Variants in SCLT1 observed in about 807,000 individuals in gnomAD.
SCLT1 encodes sodium channel-associated protein 1.
Under a neutral mutation model 112.8 loss-of-function variants are expected in SCLT1, and 78 were observed. The observed-to-expected ratio is 0.69, with a 90% confidence interval of 0.58 to 0.83. The LOEUF (loss-of-function observed/expected upper bound fraction) is 0.83, where lower values mean the gene tolerates loss of function less well. Ranked by LOEUF, SCLT1 falls within the 40% of genes least tolerant of loss-of-function variation. The probability of loss-of-function intolerance (pLI) is 0.00; values close to 1 mark genes in which losing one functional copy is unlikely to be tolerated. For missense variants in SCLT1, 747 were observed against 770.4 expected (o/e 0.97, Z 0.36); for synonymous variants, 257 against 254.7 (o/e 1.01, Z -0.09).
chr4:129,029,535 AG>A (rs1746493590), intron 5 of SCLT1, among the ~76,000 whole-genome samples: 1 of 125,354 alleles, frequency 8.0e-6, no homozygotes, highest in Non-Finnish European at 1.7e-5. Context: ...TGTGGGGTGG[AG>A]GGAGGGGGGA....
At chr4:129,090,048 C>T (rs761139436) in intron 1 of SCLT1, among the ~76,000 whole-genome samples, 13 of 151,882 alleles carry the variant, frequency 8.6e-5, no homozygotes, top group East Asian at 1.9e-4. Flanking sequence ...ATACTAGCAA[C>T]GAAAAATCAG....
chr4:128,950,036 T>C (rs1738583994), intron 14 of SCLT1, among the ~76,000 whole-genome samples: 1 of 152,152 alleles, frequency 6.6e-6, no homozygotes, highest in South Asian at 2.1e-4. Context: ...TCTTTAAACC[T>C]GTTACAAATC....
intron 9 of SCLT1, among the ~76,000 whole-genome samples, chr4:128,989,730 T>C (rs1742398811): frequency 1.3e-5 from 2 of 150,690 alleles, no homozygotes; most frequent in South Asian, 2.1e-4. Context: ...CAAAAAAAAA[T>C]ACAGAAGACT....
intron 4 of SCLT1, among the ~76,000 whole-genome samples, chr4:129,040,761 T>C (rs1019400307): frequency 6.6e-6 from 1 of 152,192 alleles, no homozygotes; most frequent in African/African-American, 2.4e-5. Context: ...AGATATAGTA[T>C]TTTTTGACTA....
chr4:129,025,655 A>C (rs571839674), intron 5 of SCLT1, among the ~76,000 whole-genome samples: 2,238 of 152,262 alleles, frequency 0.015, 48 homozygotes, highest in African/African-American at 0.045. Flanking sequence ...CGAGCAAAAT[A>C]ACCAGCTAAC....
chr4:128,996,352 C>T (rs1743017378), intron 8 of SCLT1, among the ~76,000 whole-genome samples: 1 of 152,114 alleles, frequency 6.6e-6, no homozygotes, highest in African/African-American at 2.4e-5. Context: ...TATTGAAAGA[C>T]AGTTTATTTA....
chr4:129,047,953 T>C (rs1490192852), intron 2 of SCLT1, among the ~76,000 whole-genome samples: 1 of 152,170 alleles, frequency 6.6e-6, no homozygotes, highest in Admixed American at 6.6e-5. Context: ...ATTCTGTTGA[T>C]TGTTTCCTGA....
intron 18 of SCLT1, among the ~76,000 whole-genome samples, chr4:128,918,817 A>T (rs1735665029): frequency 6.6e-6 from 1 of 152,324 alleles, no homozygotes; most frequent in South Asian, 2.1e-4. Context: ...CATAATGATC[A>T]AAAAAGACAA....
chr4:128,944,602 C>T (rs1737983859), intron 16 of SCLT1: 2 of 152,130 alleles, frequency 1.3e-5, no homozygotes, highest in African/African-American at 4.8e-5. Flanking sequence ...AGATGCAAGA[C>T]TACAGCACTC....
At chr4:129,020,194 C>A (rs185206463) in intron 5 of SCLT1, among the ~76,000 whole-genome samples, 15 of 152,250 alleles carry the variant, frequency 9.9e-5, no homozygotes, top group Admixed American at 3.9e-4. Context: ...GAATGAAATT[C>A]TACTTCTTCT....
At chr4:128,936,927 G>T in intron 17 of SCLT1, 76 bp from the exon 18 acceptor site, 1 of 585,442 alleles carries the variant, frequency 1.7e-6, no homozygotes. Flanking sequence ...ATATACAAAA[G>T]GAATCATTCA....
chr4:128,924,699 T>C (rs1283301549), intron 18 of SCLT1, among the ~76,000 whole-genome samples: 1 of 152,204 alleles, frequency 6.6e-6, no homozygotes, highest in Admixed American at 6.5e-5. Flanking sequence ...TTTTTATGCT[T>C]AGGTCTATGA....
chr4:129,090,234 T>A (rs1049604918), intron 1 of SCLT1, among the ~76,000 whole-genome samples: 2 of 152,174 alleles, frequency 1.3e-5, no homozygotes, highest in African/African-American at 4.8e-5. Context: ...TTTTAAAACT[T>A]ACTATAAAGC....
chr4:129,048,433 A>G (rs1748408383), intron 2 of SCLT1, among the ~76,000 whole-genome samples: 2 of 150,730 alleles, frequency 1.3e-5, no homozygotes, highest in Non-Finnish European at 3.0e-5. Flanking sequence ...CATATGTAGA[A>G]AGCTGAAACT....
intron 5 of SCLT1, among the ~76,000 whole-genome samples, chr4:129,027,227 A>C (rs1746193238): frequency 6.6e-6 from 1 of 152,198 alleles, no homozygotes; most frequent in African/African-American, 2.4e-5. Context: ...CTGATACCAA[A>C]GCCAGGCAGA....
intron 18 of SCLT1, among the ~76,000 whole-genome samples, chr4:128,901,252 C>G (rs1368862302): frequency 6.6e-6 from 1 of 152,122 alleles, no homozygotes; most frequent in Non-Finnish European, 1.5e-5. Context: ...TTCACAATAG[C>G]AAAGACCTGG....
chr4:128,961,567 A>G lies in SCLT1; in HGVS notation c.870-1790T>C, dbSNP rs1401056201. 1.3e-5 allele frequency among the ~76,000 whole-genome samples: 2 copies of G among 152,024 alleles called. 1 individual carries two copies. Among genetic ancestry groups the G allele is most frequent in the Non-Finnish European group, 2.9e-5 (2 of 68,004 alleles). On this transcript the variant is annotated intron_variant, in intron 11 of 20. Coordinates refer to ENST00000281142, the MANE Select transcript of SCLT1 (RefSeq NM_144643.4). ...AATAGTAGAAGCAGCAGCCTTCTCT[A>G]TTCTCCCCACTAACCACATCAAAAC...
chr4:129,085,982 C>A (rs763989317), intron 1 of SCLT1, among the ~76,000 whole-genome samples: 3 of 152,122 alleles, frequency 2.0e-5, no homozygotes, highest in Admixed American at 2.0e-4. Flanking sequence ...TATAACAAAC[C>A]TGCACATGTA....
intron 18 of SCLT1, among the ~76,000 whole-genome samples, chr4:128,906,477 C>T (rs527780709): frequency 6.6e-6 from 1 of 152,064 alleles, no homozygotes; most frequent in Non-Finnish European, 1.5e-5. Context: ...GGATTACAGG[C>T]GTGAGTCACT....
Sources: gnomAD v4.1 joint callset for allele counts (sites outside exome capture counted in the v4.1 genomes callset) on GRCh38, gnomAD v4.1.1 for gene constraint, MANE v1.5 for transcripts, NCBI Gene and HGNC (gene_info 2026-07-23, HGNC 2026-07-21) for gene names.